Variants in MUSK observed in about 807,000 individuals in gnomAD.
MUSK encodes muscle associated receptor tyrosine kinase, also known as muscle, skeletal receptor tyrosine-protein kinase.
Under a neutral mutation model 88.7 loss-of-function variants are expected in MUSK, and 55 were observed. The observed-to-expected ratio is 0.62, with a 90% confidence interval of 0.50 to 0.78. MUSK has a LOEUF of 0.78. MUSK is among the 30% of genes least tolerant of loss of function. The probability of loss-of-function intolerance (pLI) is 0.00; values close to 1 mark genes in which losing one functional copy is unlikely to be tolerated. For missense variants in MUSK, 1,015 were observed against 1,074.3 expected, an observed-to-expected ratio of 0.94 and a Z score of 0.77; for synonymous variants, 387 against 391.9, an observed-to-expected ratio of 0.99 and a Z score of 0.15.
chr9:110,755,109 C>T (rs1017977751), intron 7 of MUSK, among the ~76,000 whole-genome samples: 1 of 152,230 alleles, frequency 6.6e-6, no homozygotes, highest in South Asian at 2.1e-4. Context: ...CAAATTATCT[C>T]GCAGTTGGAG....
chr9:110,683,357 C>T (rs2076156622), intron 2 of MUSK, among the ~76,000 whole-genome samples: 1 of 152,100 alleles, frequency 6.6e-6, no homozygotes, highest in South Asian at 2.1e-4. Flanking sequence ...ATATGTACCA[C>T]ATTTTCTTTA....
At chr9:110,784,100 T>C (rs981386049) in intron 11 of MUSK, among the ~76,000 whole-genome samples, 22 of 152,152 alleles carry the variant, frequency 1.4e-4, no homozygotes, top group African/African-American at 1.2e-4. Context: ...AAGGTCATTC[T>C]TAGCTATTAA....
intron 1 of MUSK, among the ~76,000 whole-genome samples, chr9:110,681,008 A>ATATATAATATATATTATATAT (rs1273186400): frequency 0.036 from 1,329 of 37,276 alleles, 183 homozygotes; most frequent in Middle Eastern, 0.048. Flanking sequence ...ATATTATATT[A>ATATATAATATATATTATATAT]TATATAATAT....
intron 2 of MUSK, among the ~76,000 whole-genome samples, chr9:110,686,423 T>C (rs141599934): frequency 1.5e-3 from 226 of 152,290 alleles, no homozygotes; most frequent in African/African-American, 5.3e-3. Flanking sequence ...GTTATTCTGC[T>C]TACCACACGC....
intron 3 of MUSK, among the ~76,000 whole-genome samples, chr9:110,689,027 T>TA (rs1166012790): frequency 1.4e-5 from 2 of 141,274 alleles, no homozygotes; most frequent in Non-Finnish European, 3.0e-5. Flanking sequence ...TAAATATAAA[T>TA]ACGTATAACT....
At chr9:110,678,604 C>T (rs1017541175) in intron 1 of MUSK, among the ~76,000 whole-genome samples, 1 of 152,098 alleles carries the variant, frequency 6.6e-6, no homozygotes, top group Non-Finnish European at 1.5e-5. Context: ...CCACCCTTTA[C>T]TACATGTGAA....
chr9:110,687,152 G>A lies in MUSK; in HGVS notation c.242G>A (p.Gly81Glu). The A allele has an allele frequency of 6.2e-7, 1 of 1,613,630 alleles. No homozygotes were observed. Among genetic ancestry groups the A allele is most frequent in the Non-Finnish European group, 8.5e-7 (1 of 1,179,708 alleles). The change falls in exon 3 of 15, where the codon GGG becomes GAG. Residue 81 changes from glycine (G) to glutamate (E), a missense_variant. By Grantham distance (98) the Gly-to-Glu change is moderately conservative. Coordinates refer to ENST00000374448, the MANE Select transcript of MUSK (RefSeq NM_005592.4). ...ACCCGGTACAGCATCCGGGAGAATGGGCAGCTCCTCACCATCCTGAGTGTG... is the reference window on the plus strand; with the variant it reads ...ACCCGGTACAGCATCCGGGAGAATGAGCAGCTCCTCACCATCCTGAGTGTG... ...FDTRYSIREN[G>E]QLLTILSVED...
rs923672178 is a variant in MUSK, at chr9:110,703,747, T to C, written c.628+6281T>C. Among the ~76,000 whole-genome samples the C allele has an allele frequency of 1.2e-4, 18 of 152,056 alleles. No individual in the cohort carries two copies. In the South Asian group the frequency reaches 2.5e-3, roughly 21 times the overall value. On this transcript the variant is annotated intron_variant, in intron 5 of 14. Coordinates refer to ENST00000374448, the MANE Select transcript of MUSK (RefSeq NM_005592.4). ...TTTGAAAGCATAGAAAAGATGAAATTGAATTTAAGAAATGATAAAAGATAC... is the reference window on the plus strand; with the variant it reads ...TTTGAAAGCATAGAAAAGATGAAATCGAATTTAAGAAATGATAAAAGATAC...
intron 13 of MUSK, among the ~76,000 whole-genome samples, chr9:110,786,373 A>G (rs544453568): frequency 4.6e-5 from 7 of 151,914 alleles, no homozygotes; most frequent in South Asian, 4.2e-4. Flanking sequence ...CCTTATTTGT[A>G]TTGCATAATA....
chr9:110,686,580 T>A (rs898262101), intron 2 of MUSK, among the ~76,000 whole-genome samples: 4 of 152,134 alleles, frequency 2.6e-5, no homozygotes, highest in Admixed American at 2.6e-4. Context: ...AAGCATATAT[T>A]TTTATAGTTG....
At chr9:110,687,744 A>T (rs191463749) in intron 3 of MUSK, among the ~76,000 whole-genome samples, 1 of 152,114 alleles carries the variant, frequency 6.6e-6, no homozygotes, top group East Asian at 1.9e-4. Context: ...AATTAATCCC[A>T]CACCTCTTAT....
At chr9:110,744,253 C>G (rs1024721331) in intron 6 of MUSK, among the ~76,000 whole-genome samples, 1 of 152,190 alleles carries the variant, frequency 6.6e-6, no homozygotes, top group Non-Finnish European at 1.5e-5. Context: ...AGGCATGAGC[C>G]ACTGCACCCG....
intron 6 of MUSK, among the ~76,000 whole-genome samples, chr9:110,742,935 C>A (rs1442343148): frequency 6.6e-6 from 1 of 152,150 alleles, no homozygotes; most frequent in East Asian, 1.9e-4. Flanking sequence ...GACATGGAGG[C>A]AATGTCAGGC....
chr9:110,799,322 C>T (rs545917325), intron 14 of MUSK, among the ~76,000 whole-genome samples: 66 of 152,142 alleles, frequency 4.3e-4, no homozygotes, highest in African/African-American at 1.5e-3. Context: ...TCTAATATTC[C>T]AAGTTCTCCA....
chr9:110,780,031 T>C (rs2077726912), intron 11 of MUSK, among the ~76,000 whole-genome samples: 1 of 152,126 alleles, frequency 6.6e-6, no homozygotes, highest in Admixed American at 6.6e-5. Context: ...TATTTTTCTT[T>C]TCTTATAAAC....
At chr9:110,715,242 G>C (rs2076729833) in intron 5 of MUSK, among the ~76,000 whole-genome samples, 1 of 149,838 alleles carries the variant, frequency 6.7e-6, no homozygotes, top group African/African-American at 2.5e-5. Flanking sequence ...GTACTTCCCA[G>C]TTATGAGTTA....
In MUSK at chr9:110,785,196, G is replaced by A. The variant is rs1170327; in HGVS notation, c.1586+180G>A. ...ACAAATGTCAATGACTTTTTGGCAT[G>A]GGATCAAATCAAATGCCCTAGGGTT... is the stretch of plus-strand genomic sequence containing the variant. On this transcript the variant is annotated intron_variant, in intron 12 of 14. Coordinates refer to ENST00000374448, the MANE Select transcript of MUSK (RefSeq NM_005592.4). Among the ~76,000 whole-genome samples the A allele has an allele frequency of 0.28, 42,865 of 152,018 alleles. 9,093 individuals are homozygous for A. Among genetic ancestry groups the A allele is most frequent in the African/African-American group, 0.6 (24,921 of 41,440 alleles).
At chr9:110,766,210 A>G (rs924270639) in intron 8 of MUSK, among the ~76,000 whole-genome samples, 3 of 152,104 alleles carry the variant, frequency 2.0e-5, no homozygotes, top group African/African-American at 7.2e-5. Flanking sequence ...TCTAGTGTCT[A>G]AGGTTTGCCT....
chr9:110,759,712 A>G (rs1186326242), intron 7 of MUSK, among the ~76,000 whole-genome samples: 2 of 152,260 alleles, frequency 1.3e-5, no homozygotes, highest in Non-Finnish European at 2.9e-5. Context: ...CAACAAGCAT[A>G]TGAAAAAATG....
Sources: allele counts gnomAD v4.1 joint callset (sites outside exome capture counted in the v4.1 genomes callset), GRCh38; gene constraint gnomAD v4.1.1; transcripts MANE v1.5; gene names NCBI Gene and HGNC (gene_info 2026-07-23, HGNC 2026-07-21).